The following LRRK2 variants were observed in gnomAD, a reference collection of about 807,000 sequenced individuals.
LRRK2 encodes the protein leucine-rich repeat serine/threonine-protein kinase 2.
Under a neutral mutation model 302.6 loss-of-function variants are expected in LRRK2, and 203 were observed. The ratio of observed to expected loss-of-function variants is 0.67; its 90% CI spans 0.60 to 0.75. LRRK2 has a LOEUF of 0.75. Among genes scored for constraint, LRRK2 ranks in the 30% least tolerant of loss-of-function variants. LRRK2 has a pLI of 0.00. For synonymous variants in LRRK2, 1,066 were observed against 1,031.9 expected (o/e 1.03, Z -0.63); for missense variants, 2,830 against 2,951.0 (o/e 0.96, Z 0.95).
At chr12:40,256,504 A>G (rs2136503854) in intron 11 of LRRK2, among the ~76,000 whole-genome samples, 1 of 152,358 alleles carries the variant, frequency 6.6e-6, no homozygotes, top group Non-Finnish European at 1.5e-5. Context: ...TTGCTGGAAT[A>G]TAGTTACTTT....
chr12:40,282,522 G>T (rs1258558159), intron 18 of LRRK2, among the ~76,000 whole-genome samples: 1 of 152,188 alleles, frequency 6.6e-6, no homozygotes, highest in East Asian at 1.9e-4. Flanking sequence ...ACACCTTTTT[G>T]CTGGGTGAAA....
chr12:40,336,559 G>C (rs1314009974), intron 40 of LRRK2, among the ~76,000 whole-genome samples: 1 of 152,198 alleles, frequency 6.6e-6, no homozygotes, highest in Non-Finnish European at 1.5e-5. Flanking sequence ...AAGGAAAACA[G>C]TGCCTGGGGC....
chr12:40,258,851 A>C (rs986956615), intron 12 of LRRK2, among the ~76,000 whole-genome samples: 2 of 152,194 alleles, frequency 1.3e-5, no homozygotes, highest in African/African-American at 4.8e-5. Flanking sequence ...TCTGATATGC[A>C]CAAGTTTCAG....
intron 41 of LRRK2, among the ~76,000 whole-genome samples, chr12:40,341,043 A>G (rs1421672954): frequency 6.6e-6 from 1 of 152,176 alleles, no homozygotes; most frequent in Non-Finnish European, 1.5e-5. Context: ...TGTACACATC[A>G]CTGTCTACCC....
chr12:40,335,181 A>G lies in LRRK2; in HGVS notation c.5948+24A>G, dbSNP rs200579080. On this transcript the variant is annotated intron_variant, in intron 40 of 50. Transcript: ENST00000298910. The stretch of plus-strand genomic sequence containing the variant: ...AGGTAAGTAGGTCATGTTGTTTTCT[A>G]TTCAGTGCATGACAAGTGTGATCCA... 9.9e-6 allele frequency: 16 copies of G among 1,612,636 alleles called. No homozygotes were observed. In the South Asian group the frequency reaches 1.5e-4, roughly 16 times the overall value.
Position 40,314,018 on chromosome 12 carries a change from T to C in LRRK2, c.4583T>C (p.Val1528Ala). The C allele has an allele frequency of 6.2e-7, 1 of 1,612,402 alleles. No homozygotes were observed. Among genetic ancestry groups the C allele is most frequent in the Non-Finnish European group, 8.5e-7 (1 of 1,178,902 alleles). The change falls in exon 32 of 51, where the codon GTA (valine) becomes GCA (alanine). Residue 1528 changes from valine to alanine, a missense_variant. This residue lies in a region of LRRK2 where 2,121 missense variants were observed against 2,148.0 expected (regional missense o/e 0.99). Transcript: ENST00000298910. ...VVGQLIPDCYVELEKIILSER... is the reference protein window; with the variant it reads ...VVGQLIPDCYAELEKIILSER... ...GGACAGCTGATTCCAGACTGCTATG[T>C]AGAACTTGAAAAAATCATTTTATCG...
chr12:40,269,843 C>T (rs971810930), intron 14 of LRRK2, among the ~76,000 whole-genome samples: 1 of 152,092 alleles, frequency 6.6e-6, no homozygotes, highest in Non-Finnish European at 1.5e-5. Flanking sequence ...TATATTTCCA[C>T]CGCTTTATGT....
chr12:40,279,669 C>A (rs1292040772), intron 18 of LRRK2, among the ~76,000 whole-genome samples: 1 of 152,222 alleles, frequency 6.6e-6, no homozygotes, highest in African/African-American at 2.4e-5. Context: ...GAAATCATTT[C>A]TACTATTCTT....
intron 14 of LRRK2, among the ~76,000 whole-genome samples, chr12:40,264,225 G>T (rs181316866): frequency 1.4e-4 from 21 of 152,284 alleles, no homozygotes; most frequent in Non-Finnish European, 2.8e-4. Flanking sequence ...GTCATGCTGG[G>T]TACTATGGCT....
intron 45 of LRRK2, among the ~76,000 whole-genome samples, chr12:40,355,804 A>T (rs1946518642): frequency 6.6e-6 from 1 of 152,006 alleles, no homozygotes; most frequent in African/African-American, 2.4e-5. Context: ...GCAGCCTCCC[A>T]AAGTGCTGGG....
At chr12:40,270,800 A>G (rs1943199839) in intron 14 of LRRK2, among the ~76,000 whole-genome samples, 1 of 152,170 alleles carries the variant, frequency 6.6e-6, no homozygotes, top group Admixed American at 6.6e-5. Context: ...ACATATACAT[A>G]CACGAATACA....
chr12:40,366,373 A>G (rs559567117), intron 49 of LRRK2: 5 of 152,122 alleles, frequency 3.3e-5, no homozygotes, highest in South Asian at 4.1e-4. Flanking sequence ...TTGGGTTCCC[A>G]TAACAGCTTT....
At chr12:40,354,558 A>C in intron 45 of LRRK2, 66 bp downstream of exon 45, 1 of 1,369,662 alleles carries the variant, frequency 7.3e-7, no homozygotes, top group East Asian at 2.3e-5. Context: ...TGTGTGCATA[A>C]TTGTTATTGC....
intron 41 of LRRK2, among the ~76,000 whole-genome samples, chr12:40,344,079 G>A (rs181556218): frequency 6.6e-6 from 1 of 152,128 alleles, no homozygotes; most frequent in East Asian, 1.9e-4. Context: ...CTTTCTCTGA[G>A]TTCTCTGACT....
rs1331390182 is a variant in LRRK2 at position 40,359,339 on chromosome 12, A to G, written c.6923A>G (p.Asn2308Ser). 2 of 1,613,326 alleles carry G rather than the reference A, an allele frequency of 1.2e-6. No individual in the cohort carries two copies. Among genetic ancestry groups the G allele is most frequent in the Non-Finnish European group, 1.7e-6 (2 of 1,179,558 alleles). Residue 2308 changes from asparagine (N) to serine (S), a missense_variant, in exon 47 of 51, where the codon AAT becomes AGT. By Grantham distance (46) the Asn-to-Ser change is conservative. Around this residue, in one of 3 missense-constraint regions of LRRK2, gnomAD observed 456 missense variants for 456.3 expected, o/e 1.00. Transcript: ENST00000298910. ...TTGATGTGTTTGAGTGAATCCACAA[A>G]TTCAACGGAAAGAAATGTAATGTGG... ...TPLMCLSEST[N>S]STERNVMWGG...
intron 43 of LRRK2, 130 bp downstream of exon 43, chr12:40,348,639 A>G: frequency 1.5e-6 from 1 of 688,684 alleles, no homozygotes. Flanking sequence ...GTTATAAGGC[A>G]AACCTCCTAT....
intron 39 of LRRK2, among the ~76,000 whole-genome samples, chr12:40,331,399 C>T (rs571960395): frequency 2.0e-5 from 3 of 152,262 alleles, no homozygotes; most frequent in African/African-American, 2.4e-5. Flanking sequence ...AGGCTTTGCT[C>T]TCTAGATGCT....
intron 6 of LRRK2, 93 bp from the exon 7 acceptor site, chr12:40,243,457 A>G: frequency 7.2e-7 from 1 of 1,383,376 alleles, no homozygotes; most frequent in Non-Finnish European, 1.0e-6. Flanking sequence ...TTATGCTGCC[A>G]TCTATTTACA....
At chr12:40,314,762 G>A (rs894254349) in intron 32 of LRRK2, among the ~76,000 whole-genome samples, 3 of 151,904 alleles carry the variant, frequency 2.0e-5, no homozygotes, top group African/African-American at 4.8e-5. Flanking sequence ...TAAGTGACTG[G>A]GAAGCTGCTT....
Sources: allele counts gnomAD v4.1 joint callset (sites outside exome capture counted in the v4.1 genomes callset), GRCh38; gene constraint gnomAD v4.1.1; regional missense constraint gnomAD v4.1.1; transcripts MANE v1.5; gene names NCBI Gene and HGNC (gene_info 2026-07-23, HGNC 2026-07-21).